PCDH7: variants seen among roughly 807,000 people sequenced by gnomAD.
The protein encoded by PCDH7 is protocadherin 7.
A neutral mutation model predicts 58.9 loss-of-function variants in PCDH7; 17 were observed. The observed-to-expected ratio is 0.29, with a 90% CI of 0.20 to 0.43. The LOEUF (loss-of-function observed/expected upper bound fraction) is 0.43, where lower values mean the gene tolerates loss of function less well. PCDH7 is among the 20% of genes least tolerant of loss of function. The probability of loss-of-function intolerance (pLI) is 1.00; values close to 1 mark genes in which losing one functional copy is unlikely to be tolerated. For synonymous variants in PCDH7, 664 were observed against 616.4 expected (o/e 1.08, Z -1.14); for missense variants, 1,274 against 1,441.0 (o/e 0.88, Z 1.88).
intron 2 of PCDH7, among the ~76,000 whole-genome samples, chr4:30,949,317 A>G (rs902676315): frequency 6.6e-6 from 1 of 152,150 alleles, no homozygotes; most frequent in African/African-American, 2.4e-5. Flanking sequence ...ATTTCTTTTA[A>G]AATAAATTCT....
chr4:31,135,926 G>A (rs1242955008), intron 3 of PCDH7, among the ~76,000 whole-genome samples: 5 of 152,108 alleles, frequency 3.3e-5, no homozygotes, highest in Non-Finnish European at 1.5e-5. Flanking sequence ...TTTATTGAGG[G>A]CTTACTGCAT....
At chr4:30,755,764 A>C (rs1442762949) in intron 1 of PCDH7, among the ~76,000 whole-genome samples, 1 of 152,058 alleles carries the variant, frequency 6.6e-6, no homozygotes, top group Non-Finnish European at 1.5e-5. Context: ...TTGGCTTCTC[A>C]TGAGGGCTTT....
chr4:30,881,469 C>T (rs1404288485), intron 1 of PCDH7, among the ~76,000 whole-genome samples: 1 of 152,100 alleles, frequency 6.6e-6, no homozygotes, highest in Non-Finnish European at 1.5e-5. Flanking sequence ...TAAAAACAAA[C>T]ATGCACATTT....
At chr4:30,969,628 G>C (rs949298555) in intron 3 of PCDH7, among the ~76,000 whole-genome samples, 1 of 152,112 alleles carries the variant, frequency 6.6e-6, no homozygotes, top group Non-Finnish European at 1.5e-5. Flanking sequence ...TTGGAAGATA[G>C]TTGGGAAAAG....
chr4:30,991,423 G>A (rs567022735), intron 3 of PCDH7, among the ~76,000 whole-genome samples: 1 of 152,322 alleles, frequency 6.6e-6, no homozygotes, highest in African/African-American at 2.4e-5. Flanking sequence ...AAGAAGAAAA[G>A]AGTTAAAGAG....
intron 3 of PCDH7, among the ~76,000 whole-genome samples, chr4:30,993,724 C>T (rs79435498): frequency 0.017 from 2,576 of 151,692 alleles, 33 homozygotes; most frequent in South Asian, 0.033. Context: ...GATTTGAAGA[C>T]CATCTTCAAT....
chr4:31,054,772 T>C (rs573409010), intron 3 of PCDH7, among the ~76,000 whole-genome samples: 1 of 152,296 alleles, frequency 6.6e-6, no homozygotes, highest in East Asian at 1.9e-4. Flanking sequence ...TGGTCTAGTA[T>C]GACCTCAGTT....
rs538540892 is a variant in PCDH7 at position 30,722,392 on chromosome 4, G to T, written c.970G>T (p.Gly324Trp). Residue 324 changes from glycine (G) to tryptophan (W), a missense_variant, in exon 1 of 2, where the codon GGG becomes TGG. Physicochemically the swap from Gly to Trp is radical, Grantham distance 184. Coordinates refer to ENST00000361762, the Ensembl canonical transcript of PCDH7. This position sits in a 1 kb window ranked among gnomAD's most constrained non-coding sequence, Gnocchi z 7.6. ...CGACTTGGCTGAGAACAGCGCCCCGGGGACCCCCATCCTGCAACTGCGCGC... is the reference window on the plus strand; with the variant it reads ...CGACTTGGCTGAGAACAGCGCCCCGTGGACCCCCATCCTGCAACTGCGCGC... 6.2e-7 allele frequency: 1 copy of T among 1,612,582 alleles called. No individual in the cohort carries two copies. The highest frequency in any genetic ancestry group is 1.3e-5 in the African/African-American group (1 of 75,044).
chr4:30,839,894 A>G (rs571123772), intron 1 of PCDH7, among the ~76,000 whole-genome samples: 1 of 152,260 alleles, frequency 6.6e-6, no homozygotes, highest in African/African-American at 2.4e-5. Context: ...AAGAATTGTA[A>G]TATGGGTTTT....
intron 1 of PCDH7, among the ~76,000 whole-genome samples, chr4:30,893,365 TGAGAA>T (rs1738865935): frequency 6.6e-6 from 1 of 152,096 alleles, no homozygotes. Context: ...TCCTCTCTCC[TGAGAA>T]GAGAAGTTAC....
At chr4:30,905,416 A>G (rs973646519) in intron 1 of PCDH7, among the ~76,000 whole-genome samples, 3 of 152,238 alleles carry the variant, frequency 2.0e-5, no homozygotes, top group Non-Finnish European at 2.9e-5. Flanking sequence ...GCAAAGCAAC[A>G]GAGCAGCATG....
At chr4:31,137,615 A>C (rs1719765129) in intron 3 of PCDH7, among the ~76,000 whole-genome samples, 1 of 152,190 alleles carries the variant, frequency 6.6e-6, no homozygotes. Flanking sequence ...AAAATAAATA[A>C]AAAGAAGAAA....
At chr4:30,861,615 A>G (rs898691402) in intron 1 of PCDH7, among the ~76,000 whole-genome samples, 1 of 152,186 alleles carries the variant, frequency 6.6e-6, no homozygotes, top group Admixed American at 6.6e-5. Context: ...TAGTTAAAGT[A>G]ATGGGATTAA....
At chr4:30,891,608 A>G (rs1738615355) in intron 1 of PCDH7, among the ~76,000 whole-genome samples, 1 of 151,998 alleles carries the variant, frequency 6.6e-6, no homozygotes, top group African/African-American at 2.4e-5. Context: ...TCTGATCCAA[A>G]TCCACTATTT....
At chr4:31,119,792 C>A (rs1476741246) in intron 3 of PCDH7, among the ~76,000 whole-genome samples, 1 of 152,060 alleles carries the variant, frequency 6.6e-6, no homozygotes, top group African/African-American at 2.4e-5. Flanking sequence ...ACACATGCTC[C>A]AGAAGAACCT....
rs577948069 is a variant in PCDH7, at chr4:30,723,473, T to G, written c.2051T>G (p.Ile684Ser). 1 of 1,614,056 alleles carries G rather than the reference T, an allele frequency of 6.2e-7. No individual in the cohort carries two copies. Among genetic ancestry groups the G allele is most frequent in the Admixed American group, 1.7e-5 (1 of 60,008 alleles). Residue 684 changes from isoleucine (I) to serine (S), a missense_variant, in exon 1 of 2, where the codon ATT becomes AGT. Physicochemically the swap from Ile to Ser is moderately radical, Grantham distance 142. This residue lies in a region of PCDH7 where 731 missense variants were observed against 881.9 expected (regional missense o/e 0.83). Coordinates refer to ENST00000361762, the Ensembl canonical transcript of PCDH7. The surrounding 1 kb of genome is among the most constrained non-coding windows in gnomAD (Gnocchi z 4.6). ...CTGTACATAGAGGAGAACAATAACA[T>G]TTTTTCTATTGAAAATGACACGGGG...
At chr4:31,032,511 G>A (rs953195932) in intron 3 of PCDH7, among the ~76,000 whole-genome samples, 3 of 151,642 alleles carry the variant, frequency 2.0e-5, no homozygotes, top group African/African-American at 7.3e-5. Flanking sequence ...AGGAGTCTGA[G>A]GCACAAGAAT....
chr4:30,884,719 G>T (rs1366530471), intron 1 of PCDH7: 1 of 152,152 alleles, frequency 6.6e-6, no homozygotes, highest in African/African-American at 2.4e-5. Context: ...CTCCTAGTTT[G>T]TTAGGGATGG....
At chr4:31,006,910 AAAAG>A (rs1752812709) in intron 3 of PCDH7, among the ~76,000 whole-genome samples, 1 of 131,480 alleles carries the variant, frequency 7.6e-6, no homozygotes, top group South Asian at 2.4e-4. Flanking sequence ...AAAAAAAAGA[AAAAG>A]AAAAAGAAAC....
Sources: allele counts gnomAD v4.1 joint callset (sites outside exome capture counted in the v4.1 genomes callset), GRCh38; gene constraint gnomAD v4.1.1; regional missense constraint gnomAD v4.1.1; non-coding constraint Gnocchi (gnomAD v3.1); transcripts MANE v1.5; gene names NCBI Gene and HGNC (gene_info 2026-07-23, HGNC 2026-07-21).